DCHS2: variants seen among roughly 807,000 people sequenced by gnomAD.
DCHS2 encodes protocadherin-23.
DCHS2 carries 142 observed loss-of-function variants against 182.4 expected under a neutral mutation model. The ratio of observed to expected loss-of-function variants is 0.78; its 90% confidence interval spans 0.68 to 0.89. DCHS2 has a LOEUF of 0.89. Ranked by LOEUF, DCHS2 falls within the 40% of genes least tolerant of loss-of-function variation. The probability of loss-of-function intolerance (pLI) is 0.00; values close to 1 mark genes in which losing one functional copy is unlikely to be tolerated. For missense variants in DCHS2, 4,319 were observed against 4,198.6 expected, an observed-to-expected ratio of 1.03 and a Z score of -0.79; for synonymous variants, 1,740 against 1,663.3, an observed-to-expected ratio of 1.05 and a Z score of -1.12.
In DCHS2 at chr4:154,384,352, A is replaced by G. The variant is rs771813509; in HGVS notation, c.2053-6908T>C. On this transcript the variant is annotated intron_variant, in intron 1 of 19. Transcript: ENST00000357232. ...GTTATGGCCCTCCTCCTCATGCACC[A>G]CCTGACTGACCTCACCTCAGTTTCC... 2.9e-5 allele frequency: 46 copies of G among 1,610,548 alleles called. No individual in the cohort carries two copies. In the South Asian group the frequency reaches 4.9e-4, roughly 17 times the overall value.
At chr4:154,440,229 C>A (rs1458266188) in intron 1 of DCHS2, among the ~76,000 whole-genome samples, 2 of 152,132 alleles carry the variant, frequency 1.3e-5, no homozygotes, top group African/African-American at 4.8e-5. Context: ...TGCCTTAGAA[C>A]CCTGGCATAC....
chr4:154,366,104 C>T, intron 3 of DCHS2, 106 bp downstream of exon 3: 1 of 774,310 alleles, frequency 1.3e-6, no homozygotes, highest in Non-Finnish European at 2.2e-6. Context: ...AGTCCTGCAA[C>T]ACCCCCATTA....
Position 154,427,255 on chromosome 4 carries a change from T to C in DCHS2, c.2053-49811A>G, listed in dbSNP as rs550346502. The stretch of plus-strand genomic sequence containing the variant: ...ATTTTAAGTTCAGCTTTAAGGTTTC[T>C]CTGTACACAGTGAACTGTAATCTAA... On this transcript the variant is annotated intron_variant, in intron 1 of 19. Coordinates refer to ENST00000357232, the MANE Select transcript of DCHS2 (RefSeq NM_001358235.2). Among the ~76,000 whole-genome samples the C allele has an allele frequency of 3.4e-5, 5 of 147,004 alleles. No homozygotes were observed. In the East Asian group the frequency reaches 1.0e-3, roughly 30 times the overall value.
chr4:154,375,814 A>C (rs1023082276), intron 2 of DCHS2, among the ~76,000 whole-genome samples: 1 of 152,206 alleles, frequency 6.6e-6, no homozygotes, highest in Admixed American at 6.5e-5. Context: ...TGTTAAAAGA[A>C]GCATAGCCTA....
At chr4:154,310,580 T>C (rs973124584) in intron 10 of DCHS2, among the ~76,000 whole-genome samples, 7 of 152,182 alleles carry the variant, frequency 4.6e-5, no homozygotes, top group Admixed American at 6.5e-5. Context: ...CTGGGAAAGA[T>C]ATTAGAAGGC....
rs1471730803 is a variant in DCHS2, at chr4:154,333,117, C to G, written c.3091G>C (p.Ala1031Pro). 6.2e-7 allele frequency: 1 copy of G among 1,614,010 alleles called. No homozygotes were observed. Among genetic ancestry groups the G allele is most frequent in the Non-Finnish European group, 8.5e-7 (1 of 1,180,046 alleles). The stretch of plus-strand genomic sequence containing the variant: ...CCGTTGAGGAACAGCACCCCCAGGG[C>G]TCTGTCGATGGCAAAGACGCCTGGC... ...PQPGVFAIDR[A>P]LGVLFLNGSL... Residue 1031 changes from alanine (A) to proline (P), a missense_variant, in exon 5 of 20, where the codon GCC becomes CCC. By Grantham distance (27) the Ala-to-Pro change is conservative. Coordinates refer to ENST00000357232, the MANE Select transcript of DCHS2 (RefSeq NM_001358235.2).
At chr4:154,451,415 C>A (rs975979203) in intron 1 of DCHS2, among the ~76,000 whole-genome samples, 1 of 152,102 alleles carries the variant, frequency 6.6e-6, no homozygotes, top group African/African-American at 2.4e-5. Flanking sequence ...GTGTGCATAA[C>A]AGTAATCCAC....
At chr4:154,466,554 G>C (rs1280684645) in intron 1 of DCHS2, among the ~76,000 whole-genome samples, 1 of 152,126 alleles carries the variant, frequency 6.6e-6, no homozygotes, top group African/African-American at 2.4e-5. Context: ...AATAATCCAG[G>C]TAAAGAGTGG....
At chr4:154,437,465 G>C (rs1245614435) in intron 1 of DCHS2, among the ~76,000 whole-genome samples, 1 of 152,166 alleles carries the variant, frequency 6.6e-6, no homozygotes, top group Non-Finnish European at 1.5e-5. Flanking sequence ...GAACTCCCTA[G>C]ATTACTCCAA....
chr4:154,449,219 G>GA (rs11437957), intron 1 of DCHS2, among the ~76,000 whole-genome samples: 109,919 of 149,490 alleles, frequency 0.74, 42,109 homozygotes, highest in East Asian at 0.96. Context: ...CCCCAAAATT[G>GA]AAAAAAAAAA....
chr4:154,483,821 G>C (rs772933852), intron 1 of DCHS2, among the ~76,000 whole-genome samples: 1 of 152,050 alleles, frequency 6.6e-6, no homozygotes, highest in Admixed American at 6.6e-5. Context: ...TGAGTCGCAA[G>C]ACCCTCGTCT....
At chr4:154,241,303 T>C (rs1463223926) in intron 17 of DCHS2, among the ~76,000 whole-genome samples, 1 of 152,162 alleles carries the variant, frequency 6.6e-6, no homozygotes, top group African/African-American at 2.4e-5. Flanking sequence ...TATATTTATT[T>C]TTGTACAATT....
At chr4:154,294,892 A>G (rs1561019196) in intron 13 of DCHS2, among the ~76,000 whole-genome samples, 1 of 152,210 alleles carries the variant, frequency 6.6e-6, no homozygotes, top group Non-Finnish European at 1.5e-5. Flanking sequence ...TCAACACTTG[A>G]ATGACATCCT....
At chr4:154,404,942 C>A (rs895680851) in intron 1 of DCHS2, among the ~76,000 whole-genome samples, 5 of 152,114 alleles carry the variant, frequency 3.3e-5, no homozygotes, top group African/African-American at 1.2e-4. Flanking sequence ...CCAGAGTCCA[C>A]CCACTTTAAA....
chr4:154,300,893 G>T (rs1027121674), intron 12 of DCHS2, among the ~76,000 whole-genome samples: 3 of 152,160 alleles, frequency 2.0e-5, no homozygotes, highest in African/African-American at 7.2e-5. Context: ...TAAGTGAAGG[G>T]TGTTTAGACC....
chr4:154,331,503 T>G, intron 5 of DCHS2: 1 of 1,474,524 alleles, frequency 6.8e-7, no homozygotes, highest in Non-Finnish European at 9.2e-7. Flanking sequence ...AGGGAGTGAA[T>G]GAGAGTGGAA....
intron 3 of DCHS2, among the ~76,000 whole-genome samples, chr4:154,340,272 G>C (rs1191099564): frequency 6.6e-6 from 1 of 152,004 alleles, no homozygotes; most frequent in Non-Finnish European, 1.5e-5. Context: ...GATATTAAAG[G>C]GATTAATTTC....
intron 1 of DCHS2, among the ~76,000 whole-genome samples, chr4:154,443,154 C>T (rs1182613120): frequency 1.3e-5 from 2 of 152,062 alleles, no homozygotes; most frequent in African/African-American, 2.4e-5. Context: ...TAAAGTCACC[C>T]CCATGCCCAA....
At chr4:154,426,807 T>G (rs1733350305) in intron 1 of DCHS2, among the ~76,000 whole-genome samples, 1 of 44,424 alleles carries the variant, frequency 2.3e-5, no homozygotes, top group African/African-American at 4.3e-5. Context: ...ATAAAATAAC[T>G]AAAAGAGTAT....
Sources: gnomAD v4.1 joint callset for allele counts (sites outside exome capture counted in the v4.1 genomes callset) on GRCh38, gnomAD v4.1.1 for gene constraint, MANE v1.5 for transcripts, NCBI Gene and HGNC (gene_info 2026-07-23, HGNC 2026-07-21) for gene names.